HECTD2: variants seen among roughly 807,000 people sequenced by gnomAD.
HECTD2 encodes HECT domain E3 ubiquitin protein ligase 2, also known as probable E3 ubiquitin-protein ligase HECTD2.
In HECTD2, 35 loss-of-function variants were observed where a neutral mutation model predicts 103.2. The ratio of observed to expected loss-of-function variants is 0.34; its 90% CI spans 0.26 to 0.45. The LOEUF is 0.45. HECTD2 is among the 20% of genes least tolerant of loss of function. The pLI, the probability that HECTD2 is intolerant of heterozygous loss-of-function variation, is 1.00. For synonymous variants in HECTD2, 281 were observed against 329.9 expected (o/e 0.85, Z 1.61); for missense variants, 596 against 937.4 (o/e 0.64, Z 4.76).
chr10:91,496,246 C>T lies in HECTD2; in HGVS notation c.1554C>T (p.Thr518=). 6.2e-7 allele frequency: 1 copy of T among 1,612,768 alleles called. No individual in the cohort carries two copies. Among genetic ancestry groups the T allele is most frequent in the African/African-American group, 1.3e-5 (1 of 74,992 alleles). The change falls in exon 15 of 21, where the codon ACC becomes ACT. Residue 518 remains threonine, a synonymous_variant. Transcript: ENST00000298068. ...LMGLAVYNSI[T]LDIRFPPCCY... is the part of the protein sequence containing the mutation. ...GACTAGCTGTTTATAACAGCATCAC[C>T]TTGGATATTCGTTTCCCTCCCTGCT... is the stretch of plus-strand genomic sequence containing the variant.
At chr10:91,446,038 G>T (rs754079781) in intron 2 of HECTD2, among the ~76,000 whole-genome samples, 1 of 151,890 alleles carries the variant, frequency 6.6e-6, no homozygotes, top group Non-Finnish European at 1.5e-5. Flanking sequence ...GTGACAGACT[G>T]CCTCCTCAAG....
chr10:91,484,950 C>G lies in HECTD2; in HGVS notation c.971-230C>G, dbSNP rs538910390. ...GAGTAAATGGCCATCTGCATATTCCCTTTAATACTATTATAATCCTCACCA... is the reference window on the plus strand; with the variant it reads ...GAGTAAATGGCCATCTGCATATTCCGTTTAATACTATTATAATCCTCACCA... On this transcript the variant is annotated intron_variant, in intron 9 of 20. Coordinates refer to ENST00000298068, the MANE Select transcript of HECTD2 (RefSeq NM_182765.6). Among the ~76,000 whole-genome samples, 9 of 152,054 alleles carry G rather than the reference C, an allele frequency of 5.9e-5. No individual in the cohort carries two copies. In the South Asian group the frequency reaches 1.9e-3, roughly 32 times the overall value.
At chr10:91,495,100 TCACACACAC>T (rs1846619469) in intron 14 of HECTD2, among the ~76,000 whole-genome samples, 1 of 151,980 alleles carries the variant, frequency 6.6e-6, no homozygotes, top group Non-Finnish European at 1.5e-5. Flanking sequence ...TGTGTGTTTA[TCACACACAC>T]AGATATAAAA....
intron 2 of HECTD2, among the ~76,000 whole-genome samples, chr10:91,440,251 T>C (rs1437084338): frequency 6.6e-6 from 1 of 152,162 alleles, no homozygotes; most frequent in Admixed American, 6.6e-5. Flanking sequence ...AAACATCCCA[T>C]CAATACCTAG....
chr10:91,421,785 A>G (rs193292313), intron 1 of HECTD2, among the ~76,000 whole-genome samples: 53 of 152,360 alleles, frequency 3.5e-4, no homozygotes, highest in African/African-American at 1.3e-3. Flanking sequence ...GCCCTCTTCT[A>G]TACAGTGAGG....
rs1319011199 is a variant in HECTD2 at position 91,461,266 on chromosome 10, A to C, written c.420A>C (p.Glu140Asp). ...KTVKDFQEDV[E>D]KVKSSGDWKA... ...GTTTTCATTTTAGGGAAGATGTAGA[A>C]AAAGTTAAGTCATCAGGAGATTGGA... Residue 140 changes from glutamate (E) to aspartate (D), a missense_variant, in exon 4 of 21, where the codon GAA (glutamate) becomes GAC (aspartate). Around this residue, in one of 4 missense-constraint regions of HECTD2, gnomAD observed 220 missense variants for 233.9 expected, o/e 0.94. Coordinates refer to ENST00000298068, the MANE Select transcript of HECTD2 (RefSeq NM_182765.6). The C allele has an allele frequency of 6.7e-7, 1 of 1,497,398 alleles. No homozygotes were observed. The highest frequency in any genetic ancestry group is 1.2e-5 in the South Asian group (1 of 80,102). 92.8% of individuals were successfully genotyped at this position (1,497,398 alleles called of 1,614,324 possible).
intron 2 of HECTD2, among the ~76,000 whole-genome samples, chr10:91,455,214 C>A (rs932490082): frequency 4.6e-5 from 7 of 152,182 alleles, no homozygotes; most frequent in African/African-American, 9.6e-5. Flanking sequence ...TATTTCTCTA[C>A]ATCCTCTCCA....
intron 5 of HECTD2, among the ~76,000 whole-genome samples, chr10:91,470,186 G>C (rs546521111): frequency 2.0e-5 from 3 of 152,262 alleles, no homozygotes; most frequent in African/African-American, 4.8e-5. Flanking sequence ...AGATACATGG[G>C]ACCTGAACTT....
intron 1 of HECTD2, among the ~76,000 whole-genome samples, chr10:91,411,682 T>C (rs188243936): frequency 1.3e-5 from 2 of 152,332 alleles, no homozygotes; most frequent in Non-Finnish European, 1.5e-5. Flanking sequence ...AAACAAGCTC[T>C]TTAAATCAAT....
chr10:91,453,496 A>T (rs1844926737), intron 2 of HECTD2, among the ~76,000 whole-genome samples: 1 of 152,142 alleles, frequency 6.6e-6, no homozygotes, highest in Admixed American at 6.6e-5. Context: ...CTTCATTCCA[A>T]CTGGTAAAAT....
intron 2 of HECTD2, among the ~76,000 whole-genome samples, chr10:91,444,719 T>C (rs1338673565): frequency 1.3e-5 from 2 of 151,668 alleles, no homozygotes; most frequent in East Asian, 1.9e-4. Flanking sequence ...TCAATAACCA[T>C]GGTGATGAGG....
intron 1 of HECTD2, among the ~76,000 whole-genome samples, chr10:91,413,382 C>T (rs1236394765): frequency 6.6e-6 from 1 of 152,188 alleles, no homozygotes; most frequent in Non-Finnish European, 1.5e-5. Context: ...TCAAGCCTGA[C>T]TGACCACAGA....
intron 2 of HECTD2, among the ~76,000 whole-genome samples, chr10:91,450,303 G>A (rs987076204): frequency 6.6e-6 from 1 of 152,140 alleles, no homozygotes; most frequent in Non-Finnish European, 1.5e-5. Flanking sequence ...AAATGGTGCT[G>A]GGGAAACTGG....
At chr10:91,435,787 T>G (rs1288564985) in intron 2 of HECTD2, among the ~76,000 whole-genome samples, 1 of 151,994 alleles carries the variant, frequency 6.6e-6, no homozygotes, top group Non-Finnish European at 1.5e-5. Flanking sequence ...TCCAGAAAAT[T>G]TTCTTGAATT....
At chr10:91,440,473 G>C (rs1844365903) in intron 2 of HECTD2, among the ~76,000 whole-genome samples, 1 of 151,808 alleles carries the variant, frequency 6.6e-6, no homozygotes, top group Non-Finnish European at 1.5e-5. Context: ...GCTACATTTG[G>C]TTTGCCAGTA....
At chr10:91,501,164 A>ATGT in intron 19 of HECTD2, 27 bp from the exon 20 acceptor site, 1 of 1,594,108 alleles carries the variant, frequency 6.3e-7, no homozygotes, top group East Asian at 2.2e-5. Context: ...AAGACATTTG[A>ATGT]TGTTAATTTC....
intron 12 of HECTD2, 87 bp downstream of exon 12, chr10:91,491,394 C>T: frequency 1.6e-6 from 1 of 627,770 alleles, no homozygotes; most frequent in South Asian, 2.1e-5. Context: ...TTTTTTATTT[C>T]TGTATGCCAA....
At chr10:91,466,353 C>CA (rs1006414891) in intron 5 of HECTD2, among the ~76,000 whole-genome samples, 22 of 150,992 alleles carry the variant, frequency 1.5e-4, no homozygotes, top group African/African-American at 5.1e-4. Context: ...TTGTTCTCTT[C>CA]AAAAAAAAAT....
rs372505235 is a variant in HECTD2 at position 91,427,536 on chromosome 10, T to C, written c.268+2126T>C. Among the ~76,000 whole-genome samples, 823 of 152,200 alleles carry C rather than the reference T, an allele frequency of 5.4e-3. 7 individuals are homozygous for C. Among genetic ancestry groups the C allele is most frequent in the South Asian group, 0.019 (93 of 4,818 alleles). On this transcript the variant is annotated intron_variant, in intron 2 of 20. Transcript: ENST00000298068. ...TGTTGTTTCCTGACTTTTTAATGAT[T>C]GCCATTCTAACTGGTGTGAGATGGT...
Sources: allele counts gnomAD v4.1 joint callset (sites outside exome capture counted in the v4.1 genomes callset), GRCh38; gene constraint gnomAD v4.1.1; regional missense constraint gnomAD v4.1.1; transcripts MANE v1.5; gene names NCBI Gene and HGNC (gene_info 2026-07-23, HGNC 2026-07-21).